The following GPR158 variants were observed in gnomAD, a reference collection of about 807,000 sequenced individuals.
GPR158 encodes the protein G protein-coupled receptor 158.
Under a neutral mutation model 78.2 loss-of-function variants are expected in GPR158, and 30 were observed. The ratio of observed to expected loss-of-function variants is 0.38; its 90% CI spans 0.29 to 0.52. The LOEUF (loss-of-function observed/expected upper bound fraction) is 0.52. GPR158 is among the 20% of genes least tolerant of loss of function. GPR158 has a pLI of 0.83. For synonymous variants in GPR158, 581 were observed against 591.1 expected, an observed-to-expected ratio of 0.98 and a Z score of 0.25; for missense variants, 1,463 against 1,523.5, an observed-to-expected ratio of 0.96 and a Z score of 0.66.
At chr10:25,488,385 G>A (rs966617313) in intron 5 of GPR158, among the ~76,000 whole-genome samples, 10 of 152,188 alleles carry the variant, frequency 6.6e-5, no homozygotes, top group African/African-American at 2.4e-4. Flanking sequence ...TAAGGGAGAA[G>A]AGAATTACGT....
At chr10:25,370,892 T>G (rs1336299284) in intron 2 of GPR158, among the ~76,000 whole-genome samples, 1 of 151,802 alleles carries the variant, frequency 6.6e-6, no homozygotes, top group Admixed American at 6.6e-5. Context: ...TTAGCTCTTC[T>G]TGTTGAATTG....
chr10:25,492,676 A>G (rs1835826118), intron 5 of GPR158, among the ~76,000 whole-genome samples: 1 of 152,082 alleles, frequency 6.6e-6, no homozygotes, highest in South Asian at 2.1e-4. Flanking sequence ...AACGTGGTCC[A>G]TGCACAAAAA....
At chr10:25,489,740 G>T (rs1468593213) in intron 5 of GPR158, among the ~76,000 whole-genome samples, 1 of 152,042 alleles carries the variant, frequency 6.6e-6, no homozygotes, top group Non-Finnish European at 1.5e-5. Context: ...ATGGGATATT[G>T]ATATATGCAC....
intron 4 of GPR158, among the ~76,000 whole-genome samples, chr10:25,446,808 C>G (rs1835143005): frequency 6.6e-6 from 1 of 152,144 alleles, no homozygotes; most frequent in Non-Finnish European, 1.5e-5. Flanking sequence ...TGTTTAACAG[C>G]AAATGATACA....
intron 2 of GPR158, among the ~76,000 whole-genome samples, chr10:25,241,431 CT>C (rs1853628254): frequency 7.1e-6 from 1 of 141,230 alleles, no homozygotes; most frequent in African/African-American, 2.7e-5. Context: ...CTTTTCTTTT[CT>C]TTTCTTTCGA....
At chr10:25,449,801 A>G (rs778864375) in intron 4 of GPR158, among the ~76,000 whole-genome samples, 6 of 152,188 alleles carry the variant, frequency 3.9e-5, no homozygotes, top group African/African-American at 9.6e-5. Context: ...CCCTTCCTCA[A>G]TGTATACAGA....
intron 2 of GPR158, among the ~76,000 whole-genome samples, chr10:25,343,454 G>A (rs944293130): frequency 6.6e-6 from 1 of 151,920 alleles, no homozygotes; most frequent in African/African-American, 2.4e-5. Flanking sequence ...CAATTATTAT[G>A]TTTACAGAGA....
chr10:25,264,297 C>T (rs1854011329), intron 2 of GPR158, among the ~76,000 whole-genome samples: 1 of 152,160 alleles, frequency 6.6e-6, no homozygotes, highest in Non-Finnish European at 1.5e-5. Flanking sequence ...TCTTGGAATG[C>T]TTGCTCTTGG....
At chr10:25,363,182 A>G (rs1855668062) in intron 2 of GPR158, among the ~76,000 whole-genome samples, 1 of 151,928 alleles carries the variant, frequency 6.6e-6, no homozygotes, top group Non-Finnish European at 1.5e-5. Flanking sequence ...CCATACCATA[A>G]CTTTGCAGTG....
At chr10:25,526,162 C>T (rs1307501039) in intron 5 of GPR158, among the ~76,000 whole-genome samples, 1 of 141,388 alleles carries the variant, frequency 7.1e-6, no homozygotes, top group Non-Finnish European at 1.5e-5. Context: ...AATAACTGAG[C>T]AGTTATGTTG....
chr10:25,202,315 A>C (rs983014168), intron 1 of GPR158, among the ~76,000 whole-genome samples: 3 of 146,612 alleles, frequency 2.0e-5, no homozygotes, highest in Admixed American at 1.4e-4. Context: ...GGTTTGTTAC[A>C]CATATATATA....
At chr10:25,293,205 T>C (rs1343405084) in intron 2 of GPR158, among the ~76,000 whole-genome samples, 1 of 152,232 alleles carries the variant, frequency 6.6e-6, no homozygotes, top group African/African-American at 2.4e-5. Flanking sequence ...TAGTAGAGAA[T>C]AGAGGAATTT....
chr10:25,250,195 TTCTC>T (rs563340170), intron 2 of GPR158, among the ~76,000 whole-genome samples: 3,551 of 129,600 alleles, frequency 0.027, 155 homozygotes, highest in African/African-American at 0.1. Flanking sequence ...TATTTGATTC[TTCTC>T]TCTTTTTTTC....
At chr10:25,483,337 C>T (rs943205571) in intron 5 of GPR158, among the ~76,000 whole-genome samples, 6 of 151,984 alleles carry the variant, frequency 3.9e-5, no homozygotes, top group African/African-American at 1.4e-4. Flanking sequence ...AGGCACAATC[C>T]CACCTCAAAG....
chr10:25,560,554 T>C (rs1051363917), intron 6 of GPR158, among the ~76,000 whole-genome samples: 2 of 152,222 alleles, frequency 1.3e-5, no homozygotes, highest in Non-Finnish European at 2.9e-5. Context: ...TGTGAGCCAT[T>C]GCGCCCATCC....
intron 4 of GPR158, among the ~76,000 whole-genome samples, chr10:25,460,242 C>A (rs1835340204): frequency 6.6e-6 from 1 of 151,058 alleles, no homozygotes; most frequent in African/African-American, 2.4e-5. Context: ...TGCTCTGTTG[C>A]CAAGGCTGGA....
chr10:25,505,093 G>A (rs533107417), intron 5 of GPR158, among the ~76,000 whole-genome samples: 1 of 152,306 alleles, frequency 6.6e-6, no homozygotes, highest in African/African-American at 2.4e-5. Context: ...TAGATGATAC[G>A]TGTAAAACTT....
chr10:25,238,024 T>C (rs758816114), intron 2 of GPR158, among the ~76,000 whole-genome samples: 1 of 152,256 alleles, frequency 6.6e-6, no homozygotes, highest in East Asian at 1.9e-4. Context: ...TCTGCTCTCT[T>C]CCTTTTTTAA....
chr10:25,585,067 A>G (rs796535769), intron 7 of GPR158, among the ~76,000 whole-genome samples: 2 of 152,342 alleles, frequency 1.3e-5, no homozygotes, highest in African/African-American at 4.8e-5. Flanking sequence ...GCTGTCTATG[A>G]TTGGCTGAAG....
Sources: allele counts gnomAD v4.1 joint callset (sites outside exome capture counted in the v4.1 genomes callset), GRCh38; gene constraint gnomAD v4.1.1; transcripts MANE v1.5; gene names NCBI Gene and HGNC (gene_info 2026-07-23, HGNC 2026-07-21).